LDLRAD2: variants seen among roughly 807,000 people sequenced by gnomAD.
LDLRAD2 encodes the protein low density lipoprotein receptor class A domain containing 2.
A neutral mutation model predicts 24.9 loss-of-function variants in LDLRAD2; 25 were observed. That is an observed-to-expected ratio of 1.00 (90% CI 0.73 to 1.40). The LOEUF is 1.40. Among genes scored for constraint, LDLRAD2 ranks in the 40% most tolerant of loss-of-function variants. The pLI is 0.00. For synonymous variants in LDLRAD2, 182 were observed against 166.7 expected (o/e 1.09, Z -0.71); for missense variants, 391 against 366.2 (o/e 1.07, Z -0.55).
chr1:21,820,194 C>T (rs1457278733), intron 3 of LDLRAD2, among the ~76,000 whole-genome samples: 7 of 152,212 alleles, frequency 4.6e-5, no homozygotes, highest in African/African-American at 1.7e-4. Context: ...GAACTGTACC[C>T]CTAACCATGG....
rs767431377 is a variant in LDLRAD2, at chr1:21,823,333, G to A, written c.*1118G>A. On this transcript the variant is annotated 3_prime_UTR_variant, in exon 5 of 5. Transcript: ENST00000344642. ...GCAGGTGCCTACGAGGGGCAGGGGCGTGTGTTGGCCCCGGCCTGGGCGCGG... is the reference window on the plus strand; with the variant it reads ...GCAGGTGCCTACGAGGGGCAGGGGCATGTGTTGGCCCCGGCCTGGGCGCGG... 3.3e-5 allele frequency: 51 copies of A among 1,541,150 alleles called. No individual in the cohort carries two copies. The highest frequency in any genetic ancestry group is 3.9e-5 in the Admixed American group (2 of 51,172).
rs1251550877 is a variant in LDLRAD2, at chr1:21,822,382, G to A, written c.*167G>A. 7.3e-6 allele frequency: 5 copies of A among 681,684 alleles called. No homozygotes were observed. In the Admixed American group the frequency reaches 9.4e-5, roughly 13 times the overall value. 42.2% of individuals were successfully genotyped at this position (681,684 alleles called of 1,614,324 possible). A position where few individuals can be genotyped will look rare whatever the true frequency, so the allele number is the denominator to read the frequency against. On this transcript the variant is annotated 3_prime_UTR_variant, in exon 5 of 5. Coordinates refer to ENST00000344642, the MANE Select transcript of LDLRAD2 (RefSeq NM_001013693.3). ...GATGGCACTTGAGCTGGATCTTCAG[G>A]CTCCTGCAGATGGGGCAGGGTGGTC...
chr1:21,815,951 G>T lies in LDLRAD2; in HGVS notation c.520G>T (p.Gly174Cys). 15 of 1,613,948 alleles carry T rather than the reference G, an allele frequency of 9.3e-6. No homozygotes were observed. The highest frequency in any genetic ancestry group is 1.3e-5 in the Non-Finnish European group (15 of 1,179,968). The change falls in exon 3 of 5, where the codon GGT becomes TGT. Residue 174 changes from glycine (G) to cysteine (C), a missense_variant. Transcript: ENST00000344642. Reference protein sequence around the residue: ...EVTSFRLGPCGAYFRCQNGRC... With the variant: ...EVTSFRLGPCCAYFRCQNGRC... ...TCTGCTTCTGGCCTCAGGACCTTGT[G>T]GTGCCTACTTCCGCTGCCAGAATGG...
rs908205840 is a variant in LDLRAD2 at position 21,821,765 on chromosome 1, C to T, written c.805+154C>T. On this transcript the variant is annotated intron_variant, in intron 4 of 4. Transcript: ENST00000344642. ...GGTGGCGCTGGCCTCCTCGATGCTC[C>T]TGGCCTCTGCTGGCCTCCTCCTGGG... is the stretch of plus-strand genomic sequence containing the variant. 2.6e-5 allele frequency: 38 copies of T among 1,447,350 alleles called. No individual in the cohort carries two copies. In the African/African-American group the frequency reaches 3.3e-4, roughly 12 times the overall value. 89.7% of individuals were successfully genotyped at this position (1,447,350 alleles called of 1,614,324 possible). A position where few individuals can be genotyped will look rare whatever the true frequency, so the allele number is the denominator to read the frequency against.
Position 21,814,447 on chromosome 1 carries a change from G to A in LDLRAD2, c.135G>A (p.Leu45=). 6.2e-7 allele frequency: 1 copy of A among 1,610,360 alleles called. No homozygotes were observed. Among genetic ancestry groups the A allele is most frequent in the Non-Finnish European group, 8.5e-7 (1 of 1,178,678 alleles). The change falls in exon 2 of 5, where the codon CTG becomes CTA. Residue 45 remains leucine (L), a synonymous_variant. Transcript: ENST00000344642. ...AGACGTGGCAGGGGGACGGGCTGCT[G>A]CTGCGCTCGCACGCCGCATCGCGCA... ...CGQTWQGDGL[L]LRSHAASRRF... is the part of the protein sequence containing the mutation.
chr1:21,821,504 C>A lies in LDLRAD2; in HGVS notation c.698C>A (p.Ser233Tyr), dbSNP rs2097951851. ...TGSTDAHTSR[S>Y]LTPSPALGSA... Reference sequence around the variant, plus strand: ...AGTACAGATGCCCATACCTCCAGATCCCTGACTCCCTCCCCAGCTCTCGGG... The same window carrying A: ...AGTACAGATGCCCATACCTCCAGATACCTGACTCCCTCCCCAGCTCTCGGG... Residue 233 changes from serine (S) to tyrosine (Y), a missense_variant, in exon 4 of 5, where the codon TCC becomes TAC. Coordinates refer to ENST00000344642, the MANE Select transcript of LDLRAD2 (RefSeq NM_001013693.3). The A allele has an allele frequency of 6.2e-7, 1 of 1,614,010 alleles. No homozygotes were observed. The highest frequency in any genetic ancestry group is 1.3e-5 in the African/African-American group (1 of 74,910).
rs999207055 is a variant in LDLRAD2 at position 21,823,229 on chromosome 1, A to C, written c.*1014A>C. On this transcript the variant is annotated 3_prime_UTR_variant, in exon 5 of 5. Transcript: ENST00000344642. ...GCGTGGCATCGCCTCGGTTTCTTAC[A>C]AAAATTCATAATAATATTAATAATA... The C allele has an allele frequency of 7.9e-7, 1 of 1,269,948 alleles. No individual in the cohort carries two copies. Among genetic ancestry groups the C allele is most frequent in the African/African-American group, 1.5e-5 (1 of 66,046 alleles). 78.7% of individuals were successfully genotyped at this position (1,269,948 alleles called of 1,614,324 possible).
Position 21,822,345 on chromosome 1 carries a change from G to T in LDLRAD2, c.*130G>T. On this transcript the variant is annotated 3_prime_UTR_variant, in exon 5 of 5. Transcript: ENST00000344642. ...AGGCGTCCCAACCCCACAGTCTGGGGGCCACTGGCAGGATGGCACTTGAGC... is the reference window on the plus strand; with the variant it reads ...AGGCGTCCCAACCCCACAGTCTGGGTGCCACTGGCAGGATGGCACTTGAGC... The T allele has an allele frequency of 1.1e-6, 1 of 905,574 alleles. No individual in the cohort carries two copies. 56.1% of individuals were successfully genotyped at this position (905,574 alleles called of 1,614,324 possible).
chr1:21,821,392 C>A, intron 3 of LDLRAD2, 58 bp from the exon 4 acceptor site: 3 of 1,601,978 alleles, frequency 1.9e-6, no homozygotes, highest in Middle Eastern at 3.3e-4. Flanking sequence ...GAATGAAACA[C>A]ACAAGTGTCC....
At chr1:21,812,668 G>C (rs2097939743) in intron 1 of LDLRAD2, 132 bp downstream of exon 1, 1 of 735,478 alleles carries the variant, frequency 1.4e-6, no homozygotes, top group Non-Finnish European at 2.3e-6. Context: ...CTGGGAAACT[G>C]TGTCTGGTCT....
intron 3 of LDLRAD2, among the ~76,000 whole-genome samples, chr1:21,817,924 C>T (rs1225213693): frequency 6.6e-6 from 1 of 151,668 alleles, no homozygotes; most frequent in Non-Finnish European, 1.5e-5. Flanking sequence ...CTAGGCTAGA[C>T]AGACTGCAGT....
rs184392247 is a variant in LDLRAD2, at chr1:21,819,283, G to A, written c.644-2167G>A. ...AGCTACTTGGGAGGCTAAGGCAGGA[G>A]AATCACTTGAACCCGGGAGGCATAG... On this transcript the variant is annotated intron_variant, in intron 3 of 4. Coordinates refer to ENST00000344642, the MANE Select transcript of LDLRAD2 (RefSeq NM_001013693.3). Among the ~76,000 whole-genome samples the A allele has an allele frequency of 3.6e-3, 551 of 152,048 alleles. 1 individual carries two copies. Among genetic ancestry groups the A allele is most frequent in the African/African-American group, 0.013 (535 of 41,450 alleles).
At position 21,814,736 on chromosome 1, in the gene LDLRAD2, T is replaced by A. The variant is rs541394702; in HGVS notation, c.424T>A (p.Ser142Thr). 44 of 1,548,320 alleles carry A rather than the reference T, an allele frequency of 2.8e-5. No individual in the cohort carries two copies. In the South Asian group the frequency reaches 4.7e-4, roughly 17 times the overall value. The change falls in exon 2 of 5, where the codon TCC (serine) becomes ACC (threonine). Residue 142 changes from serine to threonine, a missense_variant. By Grantham distance (58) the Ser-to-Thr change is moderately conservative. Coordinates refer to ENST00000344642, the MANE Select transcript of LDLRAD2 (RefSeq NM_001013693.3). ...GAACATCCCGGTGCCTGTGGCATCC[T>A]CCGGACCCTTTCTAGGCCTGCGCCT... ...GLNIPVPVAS[S>T]GPFLGLRLVT...
At chr1:21,817,762 T>C (rs1190830299) in intron 3 of LDLRAD2, among the ~76,000 whole-genome samples, 1 of 152,234 alleles carries the variant, frequency 6.6e-6, no homozygotes, top group East Asian at 1.9e-4. Context: ...AATGAAGTAA[T>C]ATTATTAACT....
At chr1:21,814,218 A>C (rs184549373) in intron 1 of LDLRAD2, among the ~76,000 whole-genome samples, 180 bp from the exon 2 acceptor site, 173 of 152,336 alleles carry the variant, frequency 1.1e-3, no homozygotes, top group Non-Finnish European at 1.4e-3. Context: ...AATTAAATTA[A>C]ATTAAATCAT....
At position 21,824,290 on chromosome 1, in the gene LDLRAD2, A is replaced by G. The variant is rs2097962142; in HGVS notation, c.*2075A>G. 1 of 1,613,616 alleles carries G rather than the reference A, an allele frequency of 6.2e-7. No individual in the cohort carries two copies. The highest frequency in any genetic ancestry group is 1.7e-5 in the Admixed American group (1 of 60,026). On this transcript the variant is annotated 3_prime_UTR_variant, in exon 5 of 5. Transcript: ENST00000344642. This position sits in a 1 kb window ranked among gnomAD's most constrained non-coding sequence, Gnocchi z 5.9. ...GACCAGGGAAGGGAGAGGAAGGGCCAGGTGCCAGGACCTACCTGAAGACAA... is the reference window on the plus strand; with the variant it reads ...GACCAGGGAAGGGAGAGGAAGGGCCGGGTGCCAGGACCTACCTGAAGACAA...
Position 21,818,308 on chromosome 1 carries a change from G to T in LDLRAD2, c.643+2234G>T, listed in dbSNP as rs7555231. 5.0e-4 allele frequency among the ~76,000 whole-genome samples: 76 copies of T among 152,010 alleles called. 1 individual carries two copies. Among genetic ancestry groups the T allele is most frequent in the African/African-American group, 1.8e-3 (73 of 41,456 alleles). ...ATTACAGGCGTGAGCCTCCGCACCC[G>T]GCCTCATGTTACATTCATTAATAGT... On this transcript the variant is annotated intron_variant, in intron 3 of 4. Coordinates refer to ENST00000344642, the MANE Select transcript of LDLRAD2 (RefSeq NM_001013693.3).
At position 21,823,288 on chromosome 1, in the gene LDLRAD2, C is replaced by T. The variant is rs1318633582; in HGVS notation, c.*1073C>T. ...GACATTGTCGGGCTGGGGCGTGGCCCGGGAGTCCGTGTGGGGCAGGCAGGT... is the reference window on the plus strand; with the variant it reads ...GACATTGTCGGGCTGGGGCGTGGCCTGGGAGTCCGTGTGGGGCAGGCAGGT... On this transcript the variant is annotated 3_prime_UTR_variant, in exon 5 of 5. Coordinates refer to ENST00000344642, the MANE Select transcript of LDLRAD2 (RefSeq NM_001013693.3). 1.5e-5 allele frequency: 22 copies of T among 1,490,816 alleles called. No individual in the cohort carries two copies. Among genetic ancestry groups the T allele is most frequent in the East Asian group, 1.2e-4 (5 of 40,304 alleles). The allele number at this position is 1,490,816 out of a possible 1,614,324, so 92.3% of individuals were successfully genotyped here.
chr1:21,824,823 A>T lies in LDLRAD2; in HGVS notation c.*2608A>T. ...TGGTGCCATACCTGCTGCATCAGGCATCAAAATCCCCCGTCAGTTCCCCTG... is the reference window on the plus strand; with the variant it reads ...TGGTGCCATACCTGCTGCATCAGGCTTCAAAATCCCCCGTCAGTTCCCCTG... On this transcript the variant is annotated 3_prime_UTR_variant, in exon 5 of 5. Coordinates refer to ENST00000344642, the MANE Select transcript of LDLRAD2 (RefSeq NM_001013693.3). This position sits in a 1 kb window ranked among gnomAD's most constrained non-coding sequence, Gnocchi z 5.9. The T allele has an allele frequency of 1.3e-6, 2 of 1,553,042 alleles. No homozygotes were observed. The highest frequency in any genetic ancestry group is 1.8e-6 in the Non-Finnish European group (2 of 1,135,692).
Sources: allele counts gnomAD v4.1 joint callset (sites outside exome capture counted in the v4.1 genomes callset), GRCh38; gene constraint gnomAD v4.1.1; non-coding constraint Gnocchi (gnomAD v3.1); transcripts MANE v1.5; gene names NCBI Gene and HGNC (gene_info 2026-07-23, HGNC 2026-07-21).